The following CNOT10 variants were observed in gnomAD, a reference collection of about 807,000 sequenced individuals.
CNOT10 encodes the protein CCR4-NOT transcription complex, subunit 10.
CNOT10 carries 30 observed loss-of-function variants against 94.6 expected under a neutral mutation model. That is an observed-to-expected ratio of 0.32 (90% CI 0.24 to 0.43). The LOEUF (loss-of-function observed/expected upper bound fraction) is 0.43, where lower values mean the gene tolerates loss of function less well. Ranked by LOEUF, CNOT10 falls within the 20% of genes least tolerant of loss-of-function variation. The pLI, the probability that CNOT10 is intolerant of heterozygous loss-of-function variation, is 1.00. For synonymous variants in CNOT10, 289 were observed against 301.6 expected (o/e 0.96, Z 0.43); for missense variants, 759 against 877.2 (o/e 0.87, Z 1.70).
chr3:32,724,321 C>G lies in CNOT10; in HGVS notation c.863-1129C>G, dbSNP rs1030401852. On this transcript the variant is annotated intron_variant, in intron 8 of 18. Coordinates refer to ENST00000328834, the MANE Select transcript of CNOT10 (RefSeq NM_015442.3). Reference sequence around the variant, plus strand: ...AATGCAGTGGTGCGATCTCGGCTCACTGCAACCTCTGCCCTCTAGGGCCAA... The same window carrying G: ...AATGCAGTGGTGCGATCTCGGCTCAGTGCAACCTCTGCCCTCTAGGGCCAA... Among the ~76,000 whole-genome samples, 6 of 148,236 alleles carry G rather than the reference C, an allele frequency of 4.0e-5. No homozygotes were observed. In the South Asian group the frequency reaches 6.6e-4, roughly 16 times the overall value.
At chr3:32,706,413 A>T (rs1013759319) in intron 3 of CNOT10, among the ~76,000 whole-genome samples, 51 of 152,300 alleles carry the variant, frequency 3.3e-4, no homozygotes, top group African/African-American at 1.2e-3. Context: ...TTTATTGTTT[A>T]TAAGGTTTGT....
intron 10 of CNOT10, chr3:32,730,717 G>C (rs780976495): frequency 6.6e-6 from 1 of 152,028 alleles, no homozygotes; most frequent in Non-Finnish European, 1.5e-5. Context: ...AATTCATTTT[G>C]GATTTAAAAA....
At chr3:32,690,154 T>C (rs1171870466) in intron 1 of CNOT10, among the ~76,000 whole-genome samples, 3 of 152,168 alleles carry the variant, frequency 2.0e-5, no homozygotes, top group Admixed American at 2.0e-4. Context: ...CTGATTTATA[T>C]TTAACTGATC....
chr3:32,695,928 A>G (rs1358885341), intron 1 of CNOT10: 4 of 861,382 alleles, frequency 4.6e-6, no homozygotes, highest in Non-Finnish European at 7.2e-6. Flanking sequence ...CGAGAAATGT[A>G]CAAATACACA....
intron 18 of CNOT10, among the ~76,000 whole-genome samples, chr3:32,770,508 G>A (rs923331056): frequency 2.6e-5 from 4 of 151,396 alleles, no homozygotes; most frequent in African/African-American, 4.9e-5. Context: ...TGTATTTTTA[G>A]TAGAGACAGG....
chr3:32,687,299 T>C (rs1696643609), intron 1 of CNOT10, among the ~76,000 whole-genome samples: 1 of 152,012 alleles, frequency 6.6e-6, no homozygotes. Flanking sequence ...CCCCGCTTTT[T>C]TTATGTCCTA....
intron 7 of CNOT10, 45 bp downstream of exon 7, chr3:32,717,282 A>T: frequency 8.8e-7 from 1 of 1,133,104 alleles, no homozygotes. Context: ...TGTCTTTCTT[A>T]TTTAGACTAT....
intron 4 of CNOT10, among the ~76,000 whole-genome samples, chr3:32,711,064 C>T (rs1331138781): frequency 1.3e-5 from 2 of 152,094 alleles, no homozygotes; most frequent in South Asian, 2.1e-4. Context: ...GCACATGGTC[C>T]AATACTGTGG....
intron 5 of CNOT10, chr3:32,715,926 T>C: frequency 4.8e-6 from 1 of 208,602 alleles, no homozygotes; most frequent in South Asian, 1.2e-4. Context: ...CCACCTCAGC[T>C]TCCTGAGTAG....
chr3:32,695,788 A>G (rs1466524560), intron 1 of CNOT10: 1 of 1,535,918 alleles, frequency 6.5e-7, no homozygotes, highest in Non-Finnish European at 8.7e-7. Flanking sequence ...CTTTTGGGCA[A>G]ATAAAGAAAT....
chr3:32,735,841 T>C (rs189133556), intron 12 of CNOT10, among the ~76,000 whole-genome samples: 38 of 152,322 alleles, frequency 2.5e-4, no homozygotes, highest in African/African-American at 7.0e-4. Context: ...TCTGGTTTTC[T>C]AGTATAAATT....
At chr3:32,727,915 C>T in intron 10 of CNOT10, 45 bp downstream of exon 10, 1 of 1,273,216 alleles carries the variant, frequency 7.9e-7, no homozygotes, top group Non-Finnish European at 1.1e-6. Context: ...CTTCTCCCCA[C>T]TTACTACATG....
At position 32,717,170 on chromosome 3, in the gene CNOT10, A is replaced by T; in HGVS notation, c.677A>T (p.Tyr226Phe). Residue 226 changes from tyrosine to phenylalanine, a missense_variant, in exon 7 of 19, where the codon TAT (tyrosine) becomes TTT (phenylalanine). By Grantham distance (22) the Tyr-to-Phe change is conservative. This residue lies in a region of CNOT10 where 682 missense variants were observed against 799.4 expected (regional missense o/e 0.85). Transcript: ENST00000328834. ...SKIHQYKVRA[Y>F]IQMKSLKACK... ...CTTTGACAGTACAAAGTACGAGCTT[A>T]TATCCAAATGAAGTCTCTGAAAGCA... 2 of 1,603,950 alleles carry T rather than the reference A, an allele frequency of 1.2e-6. No homozygotes were observed. Among genetic ancestry groups the T allele is most frequent in the Non-Finnish European group, 1.7e-6 (2 of 1,172,914 alleles).
At chr3:32,746,956 G>A (rs1421687893) in intron 13 of CNOT10, among the ~76,000 whole-genome samples, 1 of 150,790 alleles carries the variant, frequency 6.6e-6, no homozygotes, top group Non-Finnish European at 1.5e-5. Context: ...AAATATAGAT[G>A]AATATAGCTG....
At chr3:32,768,267 A>C (rs1700734104) in intron 17 of CNOT10, among the ~76,000 whole-genome samples, 1 of 152,140 alleles carries the variant, frequency 6.6e-6, no homozygotes, top group African/African-American at 2.4e-5. Context: ...AGCCACTTGG[A>C]TGGAAAACAG....
chr3:32,690,606 G>A (rs1025787047), intron 1 of CNOT10, among the ~76,000 whole-genome samples: 11 of 151,976 alleles, frequency 7.2e-5, no homozygotes, highest in Middle Eastern at 3.4e-3. Flanking sequence ...GAGTGCAGTG[G>A]TGCGATCTTG....
intron 15 of CNOT10, 100 bp downstream of exon 15, chr3:32,762,963 G>A: frequency 7.5e-7 from 1 of 1,325,194 alleles, no homozygotes; most frequent in Admixed American, 3.1e-5. Flanking sequence ...GTAATGAGAA[G>A]AAAGTTTTAG....
intron 14 of CNOT10, among the ~76,000 whole-genome samples, chr3:32,761,379 T>C (rs1183075551): frequency 2.0e-5 from 3 of 152,130 alleles, no homozygotes; most frequent in African/African-American, 7.2e-5. Flanking sequence ...TATACGGCCA[T>C]TATGAGAGAA....
chr3:32,764,128 CAA>C, intron 15 of CNOT10: 5 of 207,224 alleles, frequency 2.4e-5, no homozygotes, highest in Non-Finnish European at 1.8e-5. Flanking sequence ...ACTCCATCTC[CAA>C]AAAAAAAACC....
Sources: allele counts gnomAD v4.1 joint callset (sites outside exome capture counted in the v4.1 genomes callset), GRCh38; gene constraint gnomAD v4.1.1; regional missense constraint gnomAD v4.1.1; transcripts MANE v1.5; gene names NCBI Gene and HGNC (gene_info 2026-07-23, HGNC 2026-07-21).